GSTCD: variants seen among roughly 807,000 people sequenced by gnomAD.
The protein encoded by GSTCD is glutathione S-transferase C-terminal domain containing.
In GSTCD, 44 loss-of-function variants were observed where a neutral mutation model predicts 68.3. That is an observed-to-expected ratio of 0.64 (90% CI 0.51 to 0.83). The LOEUF is 0.83. GSTCD is among the 40% of genes least tolerant of loss of function. GSTCD has a pLI of 0.00. For missense variants in GSTCD, 739 were observed against 735.9 expected (o/e 1.00, Z -0.05); for synonymous variants, 273 against 255.2 (o/e 1.07, Z -0.67).
At chr4:105,837,153 C>T (rs1724152885) in intron 9 of GSTCD, among the ~76,000 whole-genome samples, 1 of 152,114 alleles carries the variant, frequency 6.6e-6, no homozygotes, top group African/African-American at 2.4e-5. Context: ...CTGTTCCTCC[C>T]AGGGCTAGCC....
In GSTCD at chr4:105,803,790, A is replaced by AT. The variant is rs1178069342; in HGVS notation, c.1241-19161dup. The stretch of plus-strand genomic sequence containing the variant: ...ATGCAAGAATTATACATATAATTCC[A>AT]TTTATATGAAGTTTAGGAAACTTCA... On this transcript the variant is annotated intron_variant, in intron 5 of 11. Transcript: ENST00000515279. Among the ~76,000 whole-genome samples, 10 of 152,156 alleles carry AT rather than the reference A, an allele frequency of 6.6e-5. No homozygotes were observed. The South Asian group carries it at 2.1e-3, about 32-fold the overall frequency.
rs549437322 is a variant in GSTCD at position 105,817,899 on chromosome 4, C to T, written c.1241-5055C>T. ...GTTTTGACAAATGCATGCATAGCAT[C>T]GATATCTAACGCATTTTCACACTTA... is the stretch of plus-strand genomic sequence containing the variant. On this transcript the variant is annotated intron_variant, in intron 5 of 11. Coordinates refer to ENST00000515279, the MANE Select transcript of GSTCD (RefSeq NM_001370181.1). 2.0e-5 allele frequency among the ~76,000 whole-genome samples: 3 copies of T among 151,944 alleles called. No individual in the cohort carries two copies. The East Asian group carries it at 5.8e-4, about 29-fold the overall frequency.
chr4:105,805,741 A>G (rs1202199005), intron 5 of GSTCD, among the ~76,000 whole-genome samples: 1 of 152,144 alleles, frequency 6.6e-6, no homozygotes, highest in Non-Finnish European at 1.5e-5. Flanking sequence ...TGAGGCAATG[A>G]AAGTTTTACT....
intron 5 of GSTCD, among the ~76,000 whole-genome samples, chr4:105,732,923 T>C (rs540446236): frequency 8.5e-5 from 13 of 152,360 alleles, no homozygotes; most frequent in African/African-American, 2.2e-4. Flanking sequence ...AGAACATCTT[T>C]ATTCTGCCTT....
chr4:105,732,183 TA>T (rs976522058), intron 5 of GSTCD, among the ~76,000 whole-genome samples: 1 of 152,212 alleles, frequency 6.6e-6, no homozygotes, highest in African/African-American at 2.4e-5. Context: ...CAGGCTTTGG[TA>T]TCAGGATGAT....
chr4:105,803,838 A>C (rs1334925624), intron 5 of GSTCD, among the ~76,000 whole-genome samples: 1 of 152,064 alleles, frequency 6.6e-6, no homozygotes, highest in African/African-American at 2.4e-5. Flanking sequence ...ATATTATTAG[A>C]AATACATATC....
intron 5 of GSTCD, among the ~76,000 whole-genome samples, chr4:105,758,426 T>G (rs1380358346): frequency 1.3e-5 from 2 of 152,198 alleles, no homozygotes; most frequent in African/African-American, 2.4e-5. Flanking sequence ...ACTAGTGAGT[T>G]CTCACGAGAT....
chr4:105,715,809 T>C (rs949145163), intron 1 of GSTCD, among the ~76,000 whole-genome samples: 5 of 152,012 alleles, frequency 3.3e-5, no homozygotes, highest in Admixed American at 1.3e-4. Flanking sequence ...GCTTTTAAAG[T>C]AATTTTCCTT....
At chr4:105,770,983 C>T (rs1337728331) in intron 5 of GSTCD, among the ~76,000 whole-genome samples, 1 of 152,164 alleles carries the variant, frequency 6.6e-6, no homozygotes, top group Non-Finnish European at 1.5e-5. Context: ...TTTATACTCC[C>T]ATCAATAGTG....
At chr4:105,755,233 G>A (rs775906840) in intron 5 of GSTCD, among the ~76,000 whole-genome samples, 1 of 151,670 alleles carries the variant, frequency 6.6e-6, no homozygotes, top group Non-Finnish European at 1.5e-5. Context: ...GTAACAGTGA[G>A]ACCCTGTCAA....
chr4:105,794,411 G>C (rs1042246502), intron 5 of GSTCD, among the ~76,000 whole-genome samples: 5 of 151,960 alleles, frequency 3.3e-5, no homozygotes, highest in South Asian at 4.1e-4. Context: ...TCTGGACTTT[G>C]AGTTATGATG....
chr4:105,724,580 A>G (rs1732969718), intron 3 of GSTCD, among the ~76,000 whole-genome samples: 1 of 151,722 alleles, frequency 6.6e-6, no homozygotes, highest in Non-Finnish European at 1.5e-5. Flanking sequence ...AATATCATTT[A>G]GATTATGCCT....
chr4:105,814,161 G>T (rs758001220), intron 5 of GSTCD, among the ~76,000 whole-genome samples: 14 of 152,070 alleles, frequency 9.2e-5, no homozygotes, highest in South Asian at 2.1e-4. Flanking sequence ...CCTCCCAACT[G>T]GTATAGTTTG....
chr4:105,832,568 C>T (rs950367789), intron 8 of GSTCD, among the ~76,000 whole-genome samples: 3 of 152,044 alleles, frequency 2.0e-5, no homozygotes, highest in Non-Finnish European at 2.9e-5. Flanking sequence ...GTAGAGAAGC[C>T]GCCTGATACA....
chr4:105,739,726 T>C (rs998736696), intron 5 of GSTCD, among the ~76,000 whole-genome samples: 31 of 152,310 alleles, frequency 2.0e-4, no homozygotes, highest in African/African-American at 7.2e-4. Context: ...GTTGCTTCAG[T>C]TCTGGTCCAG....
intron 5 of GSTCD, among the ~76,000 whole-genome samples, chr4:105,781,977 GT>G (rs1735291780): frequency 6.6e-6 from 1 of 152,014 alleles, no homozygotes; most frequent in African/African-American, 2.4e-5. Context: ...AGCAGGAATA[GT>G]TTTTCTGTGA....
chr4:105,714,338 CAA>C (rs1338550178), intron 1 of GSTCD, among the ~76,000 whole-genome samples: 1 of 152,068 alleles, frequency 6.6e-6, no homozygotes, highest in Non-Finnish European at 1.5e-5. Flanking sequence ...TATGGAGTAA[CAA>C]GAGCTGTGCC....
chr4:105,765,651 G>A (rs1734575362), intron 5 of GSTCD, among the ~76,000 whole-genome samples: 1 of 152,198 alleles, frequency 6.6e-6, no homozygotes, highest in African/African-American at 2.4e-5. Context: ...GCCTGGCTCT[G>A]TGTCCCCACC....
In GSTCD at chr4:105,825,733, T is replaced by G; in HGVS notation, c.1463T>G (p.Leu488Arg). ...LIRAKKRSDE[L>R]GLSNIWFIQA... is the part of the protein sequence containing the mutation. Reference sequence around the variant, plus strand: ...CGTGCTAAGAAGAGAAGTGATGAACTGGGTTTAAGCAACATTTGGTTCATT... The same window carrying G: ...CGTGCTAAGAAGAGAAGTGATGAACGGGGTTTAAGCAACATTTGGTTCATT... The change falls in exon 8 of 12, where the codon CTG becomes CGG. Residue 488 changes from leucine (L) to arginine (R), a missense_variant. Transcript: ENST00000515279. The G allele has an allele frequency of 6.5e-7, 1 of 1,540,622 alleles. No individual in the cohort carries two copies. The highest frequency in any genetic ancestry group is 9.0e-7 in the Non-Finnish European group (1 of 1,114,120).
Sources: allele counts gnomAD v4.1 joint callset (sites outside exome capture counted in the v4.1 genomes callset), GRCh38; gene constraint gnomAD v4.1.1; transcripts MANE v1.5; gene names NCBI Gene and HGNC (gene_info 2026-07-23, HGNC 2026-07-21).